The following CD99 variants were observed in gnomAD, a reference collection of about 807,000 sequenced individuals.
The protein encoded by CD99 is CD99 molecule (Xg blood group), also known as CD99 antigen.
Under a neutral mutation model 28.4 loss-of-function variants are expected in CD99, and 19 were observed. The observed-to-expected ratio is 0.67, with a 90% CI of 0.47 to 0.98. The LOEUF is 0.98. Among genes scored for constraint, CD99 ranks in the 50% least tolerant of loss-of-function variants. The pLI is 0.00. For synonymous variants in CD99, 103 were observed against 92.1 expected (o/e 1.12, Z -0.67); for missense variants, 283 against 248.8 (o/e 1.14, Z -0.92).
intron 1 of CD99, among the ~76,000 whole-genome samples, chrX:2,700,403 TC>T (rs2047789822): frequency 6.6e-6 from 1 of 151,538 alleles, no homozygotes; most frequent in African/African-American, 2.4e-5. Context: ...CCATGCATCC[TC>T]CTTTTATCCA....
chrX:2,733,349 C>T lies in CD99; in HGVS notation c.476-4851C>T, dbSNP rs749704038. The T allele has an allele frequency of 6.3e-6, 10 of 1,585,876 alleles. No homozygotes were observed. In the East Asian group the frequency reaches 6.9e-5, roughly 11 times the overall value. On this transcript the variant is annotated intron_variant, in intron 8 of 9. Transcript: ENST00000381192. Reference sequence around the variant, plus strand: ...TTATTTTTTATCGTTTTCAACCTTCCATTTCAGATGGCTGAAGACCTAGGG... The same window carrying T: ...TTATTTTTTATCGTTTTCAACCTTCTATTTCAGATGGCTGAAGACCTAGGG...
chrX:2,732,432 C>T (rs891520236), intron 8 of CD99, among the ~76,000 whole-genome samples: 8 of 151,974 alleles, frequency 5.3e-5, no homozygotes, highest in Non-Finnish European at 7.4e-5. Context: ...GCGATTGGCT[C>T]TCCCTGTCTC....
intron 8 of CD99, among the ~76,000 whole-genome samples, chrX:2,736,724 G>A (rs1040956247): frequency 6.6e-6 from 1 of 151,960 alleles, no homozygotes; most frequent in Non-Finnish European, 1.5e-5. Flanking sequence ...AGGCGTGGTG[G>A]TGCATGCCTG....
intron 1 of CD99, among the ~76,000 whole-genome samples, chrX:2,704,514 A>G (rs1441145345): frequency 1.3e-5 from 2 of 152,016 alleles, no homozygotes; most frequent in African/African-American, 2.4e-5. Context: ...GCTCACTGCA[A>G]CCTCCATCTG....
chrX:2,712,819 C>G (rs189614723), intron 1 of CD99, among the ~76,000 whole-genome samples: 324 of 152,204 alleles, frequency 2.1e-3, no homozygotes, highest in African/African-American at 7.5e-3. Context: ...ACACACCTAC[C>G]TGTATGTACA....
intron 1 of CD99, 138 bp downstream of exon 1, chrX:2,691,565 C>A: frequency 1.1e-6 from 1 of 943,710 alleles, no homozygotes; most frequent in Non-Finnish European, 1.7e-6. Flanking sequence ...CGCGCTGTGC[C>A]CACGGGGGCC....
At chrX:2,692,657 TC>T (rs1379439014) in intron 1 of CD99, among the ~76,000 whole-genome samples, 2 of 135,930 alleles carry the variant, frequency 1.5e-5, no homozygotes, top group African/African-American at 5.9e-5. Context: ...TTCTCCCTTT[TC>T]TTCCTAAATG....
At chrX:2,728,976 G>A (rs751372987) in intron 8 of CD99, among the ~76,000 whole-genome samples, 1 of 152,042 alleles carries the variant, frequency 6.6e-6, no homozygotes, top group South Asian at 2.1e-4. Flanking sequence ...AATTACAGGT[G>A]TGCATCACCA....
chrX:2,727,947 A>G (rs889006890), intron 8 of CD99, among the ~76,000 whole-genome samples: 1 of 152,200 alleles, frequency 6.6e-6, no homozygotes, highest in Non-Finnish European at 1.5e-5. Flanking sequence ...ATTTGAATAG[A>G]TGCTGGTGTG....
chrX:2,710,415 G>A (rs758443066), intron 1 of CD99, among the ~76,000 whole-genome samples: 1 of 152,192 alleles, frequency 6.6e-6, no homozygotes, highest in Admixed American at 6.5e-5. Flanking sequence ...TTTCTTTAGT[G>A]ACGGTGTCTA....
chrX:2,706,145 T>G (rs311052), intron 1 of CD99, among the ~76,000 whole-genome samples: 104,868 of 150,914 alleles, frequency 0.69, 36,687 homozygotes, highest in Non-Finnish European at 0.74. Flanking sequence ...GGATCACGAG[T>G]TCAGGAGATC....
intron 8 of CD99, 67 bp from the exon 9 acceptor site, chrX:2,738,133 T>C: frequency 7.1e-7 from 1 of 1,406,348 alleles, no homozygotes; most frequent in South Asian, 1.1e-5. Context: ...AAGTGTTTTG[T>C]GTGTATTTTG....
At chrX:2,719,343 A>C in intron 3 of CD99, 1 of 343,204 alleles carries the variant, frequency 2.9e-6, no homozygotes, top group Non-Finnish European at 5.3e-6. Context: ...TTGGAATTTC[A>C]ACTTGGTCCA....
intron 1 of CD99, among the ~76,000 whole-genome samples, chrX:2,710,025 A>T (rs1198523496): frequency 6.6e-6 from 1 of 152,152 alleles, no homozygotes; most frequent in East Asian, 1.9e-4. Flanking sequence ...CATCGAGATC[A>T]TACTGTGTTT....
At chrX:2,727,099 T>C (rs1375304411) in intron 8 of CD99, among the ~76,000 whole-genome samples, 1 of 152,208 alleles carries the variant, frequency 6.6e-6, no homozygotes, top group Admixed American at 6.5e-5. Context: ...ATCATGTGAC[T>C]GCACTCCAGC....
At chrX:2,699,351 G>A (rs1291617310) in intron 1 of CD99, among the ~76,000 whole-genome samples, 4 of 151,666 alleles carry the variant, frequency 2.6e-5, no homozygotes, top group African/African-American at 9.7e-5. Flanking sequence ...TGTATTTTTA[G>A]TAGAGACGGG....
intron 8 of CD99, chrX:2,727,244 T>A (rs765708963): frequency 2.6e-6 from 2 of 767,176 alleles, no homozygotes; most frequent in East Asian, 2.4e-5. Flanking sequence ...GGACTAAAAT[T>A]TACAGGGGAA....
At chrX:2,719,597 C>T (rs758340886) in intron 3 of CD99, 64 bp from the exon 4 acceptor site, 10 of 1,360,078 alleles carry the variant, frequency 7.4e-6, no homozygotes, top group South Asian at 2.3e-5. Context: ...GATCTGTTCA[C>T]GAGGTCATTC....
At chrX:2,734,128 C>T (rs2049815116) in intron 8 of CD99, among the ~76,000 whole-genome samples, 1 of 152,136 alleles carries the variant, frequency 6.6e-6, no homozygotes, top group African/African-American at 2.4e-5. Context: ...GATTTTCCTT[C>T]TGTTTCCAAA....
Sources: allele counts gnomAD v4.1 joint callset (sites outside exome capture counted in the v4.1 genomes callset), GRCh38; gene constraint gnomAD v4.1.1; transcripts MANE v1.5; gene names NCBI Gene and HGNC (gene_info 2026-07-23, HGNC 2026-07-21).